EXOC2: variants seen among roughly 807,000 people sequenced by gnomAD.
EXOC2 encodes the protein exocyst complex component 2.
In EXOC2, 70 loss-of-function variants were observed where a neutral mutation model predicts 131.8. The ratio of observed to expected loss-of-function variants is 0.53; its 90% CI spans 0.44 to 0.65. The LOEUF is 0.65. Among genes scored for constraint, EXOC2 ranks in the 30% least tolerant of loss-of-function variants. The pLI is 0.00. For missense variants in EXOC2, 923 were observed against 1,108.6 expected (o/e 0.83, Z 2.38); for synonymous variants, 411 against 398.4 (o/e 1.03, Z -0.38).
chr6:499,740 T>C (rs1455554304), intron 23 of EXOC2, 40 bp from the exon 24 acceptor site: 2 of 1,550,420 alleles, frequency 1.3e-6, no homozygotes, highest in African/African-American at 1.4e-5. Flanking sequence ...GCATTAATAA[T>C]AACACAAGCT....
rs74419980 is a variant in EXOC2 at position 645,734 on chromosome 6, G to T, written c.-43-7873C>A. On this transcript the variant is annotated intron_variant, in intron 1 of 27. Transcript: ENST00000230449. The stretch of plus-strand genomic sequence containing the variant: ...TGTGTATTTTCTAGCTTTGTACATT[G>T]AGAGAGGCTAGAAGCAATAATACAA... Among the ~76,000 whole-genome samples, 938 of 152,302 alleles carry T rather than the reference G, an allele frequency of 6.2e-3. 10 individuals are homozygous for T. The highest frequency in any genetic ancestry group is 0.021 in the African/African-American group (890 of 41,552).
chr6:525,133 A>T (rs1279322137), intron 23 of EXOC2: 1 of 152,236 alleles, frequency 6.6e-6, no homozygotes, highest in African/African-American at 2.4e-5. Flanking sequence ...TCTATTACTG[A>T]AACCAAAATT....
intron 7 of EXOC2, among the ~76,000 whole-genome samples, chr6:604,788 G>A (rs1375118170): frequency 4.7e-5 from 7 of 149,838 alleles, no homozygotes; most frequent in Non-Finnish European, 7.4e-5. Context: ...GAACTCACGC[G>A]CTGGCCCCGC....
At chr6:636,372 A>T (rs1762101933) in intron 2 of EXOC2, among the ~76,000 whole-genome samples, 2 of 152,330 alleles carry the variant, frequency 1.3e-5, no homozygotes, top group Middle Eastern at 3.4e-3. Context: ...ACAATCAAAA[A>T]CTACCCAGGT....
chr6:610,553 G>C (rs1561922354), intron 6 of EXOC2, among the ~76,000 whole-genome samples: 1 of 152,154 alleles, frequency 6.6e-6, no homozygotes. Context: ...ACATTCAAAG[G>C]AAATGTTCAT....
At chr6:639,315 C>T (rs929950077) in intron 1 of EXOC2, among the ~76,000 whole-genome samples, 1 of 147,104 alleles carries the variant, frequency 6.8e-6, no homozygotes, top group Admixed American at 6.8e-5. Flanking sequence ...CCTGCCCTTG[C>T]CACTGTGAGC....
intron 23 of EXOC2, among the ~76,000 whole-genome samples, chr6:503,890 G>A (rs1321626337): frequency 3.3e-5 from 5 of 152,152 alleles, no homozygotes; most frequent in African/African-American, 1.2e-4. Flanking sequence ...CCTGTCCCGT[G>A]GGCTCTTGGG....
chr6:570,536 T>G (rs1286858105), intron 13 of EXOC2, among the ~76,000 whole-genome samples: 3 of 152,192 alleles, frequency 2.0e-5, no homozygotes, highest in Non-Finnish European at 4.4e-5. Flanking sequence ...GTTACAAAAT[T>G]TTGTTCACTG....
At chr6:564,183 G>A in intron 15 of EXOC2, 29 bp from the exon 16 acceptor site, 1 of 1,609,542 alleles carries the variant, frequency 6.2e-7, no homozygotes, top group Non-Finnish European at 8.5e-7. Context: ...AAACAGAAGT[G>A]AGCAGAGTGG....
chr6:524,004 C>T (rs1399820081), intron 23 of EXOC2, among the ~76,000 whole-genome samples: 1 of 152,000 alleles, frequency 6.6e-6, no homozygotes, highest in Non-Finnish European at 1.5e-5. Flanking sequence ...TAGATGCTTC[C>T]ACCAAAACTG....
chr6:585,472 C>T (rs1481572371), intron 11 of EXOC2, among the ~76,000 whole-genome samples: 1 of 152,180 alleles, frequency 6.6e-6, no homozygotes, highest in Non-Finnish European at 1.5e-5. Flanking sequence ...GGATCTAATG[C>T]AGGACTCATA....
At position 682,067 on chromosome 6, in the gene EXOC2, C is replaced by G. The variant is rs542544536; in HGVS notation, c.-44+10952G>C. On this transcript the variant is annotated intron_variant, in intron 1 of 27. Transcript: ENST00000230449. ...CGGCATTGGTGAAACTCCAGAAGGG[C>G]TGGGAACAGGAACCTGCATGACACA... 2.6e-3 allele frequency among the ~76,000 whole-genome samples: 397 copies of G among 152,308 alleles called. 1 individual carries two copies. Among genetic ancestry groups the G allele is most frequent in the African/African-American group, 8.9e-3 (371 of 41,566 alleles).
chr6:576,000 T>C (rs1417907526), intron 12 of EXOC2, among the ~76,000 whole-genome samples: 1 of 152,262 alleles, frequency 6.6e-6, no homozygotes, highest in Non-Finnish European at 1.5e-5. Context: ...GGTGCTCTTA[T>C]GATGAACATT....
intron 23 of EXOC2, among the ~76,000 whole-genome samples, chr6:515,248 C>T (rs918491574): frequency 1.3e-5 from 2 of 152,144 alleles, no homozygotes; most frequent in African/African-American, 2.4e-5. Flanking sequence ...CTCACCCTAC[C>T]CCAGAAACAA....
At chr6:562,185 C>G (rs1042121475) in intron 17 of EXOC2, among the ~76,000 whole-genome samples, 1 of 152,226 alleles carries the variant, frequency 6.6e-6, no homozygotes, top group African/African-American at 2.4e-5. Context: ...GAAGTCCCCC[C>G]CTGGTGAAAG....
Position 562,793 on chromosome 6 carries a change from C to T in EXOC2, c.1842G>A (p.Leu614=). The T allele has an allele frequency of 6.3e-7, 1 of 1,593,588 alleles. No individual in the cohort carries two copies. The highest frequency in any genetic ancestry group is 8.5e-7 in the Non-Finnish European group (1 of 1,171,930). Residue 614 remains leucine (L), a synonymous_variant, in exon 17 of 28, where the codon CTG becomes CTA. Transcript: ENST00000230449. ...KEDWIVDNEG[L]TSLPCQFEQC... is the part of the protein sequence containing the mutation. Reference sequence around the variant, plus strand: ...AAGAACTTAAACTTACTAGAGAAGTCAGTCCTTCATTGTCAACAATCCAGT... The same window carrying T: ...AAGAACTTAAACTTACTAGAGAAGTTAGTCCTTCATTGTCAACAATCCAGT...
chr6:549,058 C>A (rs899561103), intron 22 of EXOC2, 117 bp downstream of exon 22: 24 of 773,752 alleles, frequency 3.1e-5, no homozygotes, highest in Non-Finnish European at 5.0e-5. Context: ...AGCAGTGTGG[C>A]TGTGGGGGCG....
At chr6:537,977 C>G (rs1766566356) in intron 22 of EXOC2, among the ~76,000 whole-genome samples, 1 of 152,096 alleles carries the variant, frequency 6.6e-6, no homozygotes, top group South Asian at 2.1e-4. Context: ...GTGGTGGATG[C>G]TGGAACGTGT....
rs140775545 is a variant in EXOC2, at chr6:629,097, T to C, written c.422+738A>G. Among the ~76,000 whole-genome samples the C allele has an allele frequency of 2.1e-3, 313 of 152,284 alleles. 1 individual carries two copies. The highest frequency in any genetic ancestry group is 3.3e-3 in the Non-Finnish European group (222 of 68,018). On this transcript the variant is annotated intron_variant, in intron 4 of 27. Transcript: ENST00000230449. ...TATATAGAGAGATTATTGGAGAATT[T>C]TCCCCATTCCTAGAAAACCCTAAAC...
Sources: gnomAD v4.1 joint callset for allele counts (sites outside exome capture counted in the v4.1 genomes callset) on GRCh38, gnomAD v4.1.1 for gene constraint, MANE v1.5 for transcripts, NCBI Gene and HGNC (gene_info 2026-07-23, HGNC 2026-07-21) for gene names.